CEP112: variants seen among roughly 807,000 people sequenced by gnomAD.
CEP112 encodes centrosomal protein of 112 kDa.
CEP112 carries 127 observed loss-of-function variants against 153.0 expected under a neutral mutation model. The observed-to-expected ratio is 0.83, with a 90% CI of 0.72 to 0.96. CEP112 has a LOEUF of 0.96. Among genes scored for constraint, CEP112 ranks in the 40% least tolerant of loss-of-function variants. The pLI is 0.00. For synonymous variants in CEP112, 358 were observed against 374.4 expected (o/e 0.96, Z 0.51); for missense variants, 1,089 against 1,101.2 (o/e 0.99, Z 0.16).
intron 23 of CEP112, among the ~76,000 whole-genome samples, chr17:65,692,224 ATTTTTTT>A (rs35586515): frequency 3.9e-5 from 5 of 126,862 alleles, no homozygotes; most frequent in Non-Finnish European, 6.5e-5. Context: ...CTGCACTGGA[ATTTTTTT>A]TTTTTTTTTT....
intron 5 of CEP112, 59 bp from the exon 6 acceptor site, chr17:66,129,882 G>T (rs1385366768): frequency 9.5e-7 from 1 of 1,054,646 alleles, no homozygotes; most frequent in Non-Finnish European, 1.4e-6. Context: ...GAAATAAAAG[G>T]AAAAGATGGA....
intron 11 of CEP112, among the ~76,000 whole-genome samples, chr17:66,062,151 C>G (rs1351435815): frequency 2.0e-5 from 3 of 152,084 alleles, no homozygotes; most frequent in Non-Finnish European, 4.4e-5. Context: ...TCAATTAAAG[C>G]TCTTTCCTTT....
intron 25 of CEP112, among the ~76,000 whole-genome samples, chr17:65,639,314 G>A (rs897803218): frequency 6.6e-6 from 1 of 152,044 alleles, no homozygotes; most frequent in Non-Finnish European, 1.5e-5. Context: ...CACCTGTTAT[G>A]TGCCAGGCAA....
intron 21 of CEP112, among the ~76,000 whole-genome samples, chr17:65,812,400 G>A (rs1224335862): frequency 6.6e-6 from 1 of 152,108 alleles, no homozygotes; most frequent in African/African-American, 2.4e-5. Flanking sequence ...GAAGAAAATG[G>A]CCTTTTCCTC....
chr17:66,000,506 A>G (rs976082271), intron 17 of CEP112, among the ~76,000 whole-genome samples: 11 of 151,346 alleles, frequency 7.3e-5, no homozygotes, highest in African/African-American at 2.7e-4. Context: ...AAAAAAAAAA[A>G]AGGATAACCT....
chr17:65,795,438 A>G (rs2054855815), intron 21 of CEP112, among the ~76,000 whole-genome samples: 1 of 152,228 alleles, frequency 6.6e-6, no homozygotes, highest in African/African-American at 2.4e-5. Flanking sequence ...ACAGTAAGCT[A>G]TAAAGCAGGA....
chr17:66,173,943 T>G (rs952484234), intron 4 of CEP112, among the ~76,000 whole-genome samples: 1 of 152,172 alleles, frequency 6.6e-6, no homozygotes, highest in Non-Finnish European at 1.5e-5. Context: ...TTCTTTTCTT[T>G]TTTTTGAGAC....
chr17:65,922,532 T>C (rs1327704114), intron 19 of CEP112, among the ~76,000 whole-genome samples: 1 of 152,172 alleles, frequency 6.6e-6, no homozygotes, highest in Admixed American at 6.5e-5. Flanking sequence ...GCAGATCAGG[T>C]GCTGACATCA....
chr17:65,885,377 C>T (rs768080033), intron 20 of CEP112, among the ~76,000 whole-genome samples: 1 of 152,040 alleles, frequency 6.6e-6, no homozygotes, highest in Admixed American at 6.5e-5. Flanking sequence ...AGGGCAAAGA[C>T]GATGTTGAAA....
At chr17:65,888,012 C>G (rs1318242876) in intron 20 of CEP112, among the ~76,000 whole-genome samples, 5 of 152,096 alleles carry the variant, frequency 3.3e-5, no homozygotes, top group South Asian at 2.1e-4. Context: ...CTCCAACCCA[C>G]CTCCAGATGT....
chr17:65,876,524 A>G (rs1482147588), intron 20 of CEP112, among the ~76,000 whole-genome samples: 2 of 152,206 alleles, frequency 1.3e-5, no homozygotes, highest in Non-Finnish European at 2.9e-5. Context: ...TCTGAAATGT[A>G]GCAATGATAT....
At chr17:65,813,378 G>A (rs2145927890) in intron 21 of CEP112, among the ~76,000 whole-genome samples, 1 of 152,326 alleles carries the variant, frequency 6.6e-6, no homozygotes, top group African/African-American at 2.4e-5. Flanking sequence ...CCCAATCAGA[G>A]CCTCGTTGGG....
At chr17:65,737,578 T>C (rs1264143694) in intron 23 of CEP112, among the ~76,000 whole-genome samples, 2 of 152,206 alleles carry the variant, frequency 1.3e-5, no homozygotes, top group Non-Finnish European at 2.9e-5. Context: ...GCCGCTTCCA[T>C]GTAGGTAGTG....
Position 66,029,123 on chromosome 17 carries a change from C to T in CEP112, c.1503G>A (p.Lys501=), listed in dbSNP as rs768415589. Residue 501 remains lysine (K), a splice_region_variant and synonymous_variant, in exon 14 of 27, where the codon AAG becomes AAA. Coordinates refer to ENST00000535342, the MANE Select transcript of CEP112 (RefSeq NM_001199165.4). ...LKQEHALSAS[K]ASSMIEELEQ... ...GATTATCTATTAACATAAATAATACCTTAGAAGCTGAAAGAGCATGTTCTT... is the reference window on the plus strand; with the variant it reads ...GATTATCTATTAACATAAATAATACTTTAGAAGCTGAAAGAGCATGTTCTT... The T allele has an allele frequency of 6.3e-7, 1 of 1,596,946 alleles. No individual in the cohort carries two copies. The highest frequency in any genetic ancestry group is 1.1e-5 in the South Asian group (1 of 90,164).
At chr17:65,815,776 C>T (rs369112210) in intron 21 of CEP112, among the ~76,000 whole-genome samples, 16 of 152,130 alleles carry the variant, frequency 1.1e-4, no homozygotes, top group South Asian at 4.1e-4. Context: ...TTAAAAAATT[C>T]AATTTCCAAC....
At chr17:65,946,355 G>A (rs962507900) in intron 18 of CEP112, among the ~76,000 whole-genome samples, 9 of 151,986 alleles carry the variant, frequency 5.9e-5, no homozygotes, top group African/African-American at 2.2e-4. Context: ...TCATAAATGG[G>A]GTAAAATAAG....
At chr17:66,120,087 A>G (rs2069503132) in intron 6 of CEP112, among the ~76,000 whole-genome samples, 1 of 152,182 alleles carries the variant, frequency 6.6e-6, no homozygotes, top group African/African-American at 2.4e-5. Context: ...CACAAATTGG[A>G]AAGTGTTCCC....
intron 23 of CEP112, 96 bp from the exon 24 acceptor site, chr17:65,689,314 T>G: frequency 5.4e-5 from 42 of 773,938 alleles, no homozygotes; most frequent in Non-Finnish European, 7.9e-5. Flanking sequence ...CTCAGATCTC[T>G]AGTTTATTAC....
At chr17:65,972,041 T>A (rs1055129279) in intron 17 of CEP112, among the ~76,000 whole-genome samples, 16 of 152,136 alleles carry the variant, frequency 1.1e-4, no homozygotes, top group Admixed American at 9.2e-4. Context: ...AAGAACACTA[T>A]CAAGCAGCTA....
Sources: gnomAD v4.1 joint callset for allele counts (sites outside exome capture counted in the v4.1 genomes callset) on GRCh38, gnomAD v4.1.1 for gene constraint, MANE v1.5 for transcripts, NCBI Gene and HGNC (gene_info 2026-07-23, HGNC 2026-07-21) for gene names.